EML5: variants seen among roughly 807,000 people sequenced by gnomAD.
The protein encoded by EML5 is EMAP like 5.
EML5 carries 120 observed loss-of-function variants against 250.0 expected under a neutral mutation model. The ratio of observed to expected loss-of-function variants is 0.48; its 90% CI spans 0.41 to 0.56. EML5 has a LOEUF of 0.56. EML5 is among the 20% of genes least tolerant of loss of function. The probability of loss-of-function intolerance (pLI) is 0.00; values close to 1 mark genes in which losing one functional copy is unlikely to be tolerated. For missense variants in EML5, 2,006 were observed against 2,437.6 expected (o/e 0.82, Z 3.73); for synonymous variants, 771 against 806.5 (o/e 0.96, Z 0.75).
chr14:88,706,963 T>C (rs1402509515), intron 10 of EML5, among the ~76,000 whole-genome samples: 1 of 152,220 alleles, frequency 6.6e-6, no homozygotes, highest in Non-Finnish European at 1.5e-5. Flanking sequence ...CAAAGTCAAA[T>C]ATGCCCAGTT....
chr14:88,625,214 TG>T, intron 35 of EML5, 87 bp from the exon 36 acceptor site: 1 of 1,442,612 alleles, frequency 6.9e-7, no homozygotes, highest in Non-Finnish European at 9.4e-7. Context: ...TGTGTAATGC[TG>T]TCTCACCCTT....
At chr14:88,744,922 T>C (rs553109743) in intron 3 of EML5, among the ~76,000 whole-genome samples, 3 of 152,190 alleles carry the variant, frequency 2.0e-5, no homozygotes, top group Non-Finnish European at 4.4e-5. Flanking sequence ...GAATACATAT[T>C]ACAGTTAATA....
At chr14:88,636,433 CG>C (rs1210317717) in intron 32 of EML5, among the ~76,000 whole-genome samples, 3 of 152,222 alleles carry the variant, frequency 2.0e-5, no homozygotes, top group East Asian at 3.9e-4. Flanking sequence ...GAAGCCAAGG[CG>C]GGCAGATAAC....
chr14:88,721,271 G>C (rs995362465), intron 8 of EML5, among the ~76,000 whole-genome samples: 2 of 151,908 alleles, frequency 1.3e-5, no homozygotes, highest in Non-Finnish European at 2.9e-5. Flanking sequence ...AACTACTTAA[G>C]ACATCATATG....
intron 7 of EML5, among the ~76,000 whole-genome samples, chr14:88,734,007 G>A (rs1406365315): frequency 8.0e-5 from 12 of 150,402 alleles, no homozygotes; most frequent in Non-Finnish European, 1.5e-4. Context: ...CAACCTACAC[G>A]AAGTAAAAAA....
chr14:88,783,391 G>C (rs1442173893), intron 1 of EML5, among the ~76,000 whole-genome samples: 5 of 152,154 alleles, frequency 3.3e-5, no homozygotes, highest in Non-Finnish European at 7.4e-5. Context: ...AAGATCCAAT[G>C]GAACAGATCA....
chr14:88,674,214 A>G (rs1460297323), intron 21 of EML5, among the ~76,000 whole-genome samples: 7 of 152,308 alleles, frequency 4.6e-5, no homozygotes, highest in Admixed American at 1.3e-4. Flanking sequence ...GGTTGCAGTG[A>G]GCTCAGATTG....
In EML5 at chr14:88,712,425, T is replaced by A; in HGVS notation, c.1503A>T (p.Thr501=). 3.7e-6 allele frequency: 6 copies of A among 1,613,664 alleles called. No homozygotes were observed. The highest frequency in any genetic ancestry group is 5.1e-6 in the Non-Finnish European group (6 of 1,179,716). ...CATTTACTTCAAGGCCTGAAACACA[T>A]GTCCATGAAGCCCAATGAACACCTT... is the stretch of plus-strand genomic sequence containing the variant. ...EIKGVHWASW[T]CVSGLEVNGI... Residue 501 remains threonine, a synonymous_variant, in exon 10 of 44, where the codon ACA becomes ACT. Coordinates refer to ENST00000554922, the MANE Select transcript of EML5 (RefSeq NM_183387.3).
chr14:88,665,434 G>A lies in EML5; in HGVS notation c.3180C>T (p.Asn1060=), dbSNP rs201280266. Residue 1060 remains asparagine, a synonymous_variant, in exon 22 of 44, where the codon AAC becomes AAT. Coordinates refer to ENST00000554922, the MANE Select transcript of EML5 (RefSeq NM_183387.3). Reference sequence around the variant, plus strand: ...CATTTGCCATTAAGAAGCTTCCATCGTTGAGACCTACGGCTAAAGCTTTAC... The same window carrying A: ...CATTTGCCATTAAGAAGCTTCCATCATTGAGACCTACGGCTAAAGCTTTAC... The part of the protein sequence containing the change: ...PDGKALAVGL[N]DGSFLMANAD... 4.4e-4 allele frequency: 716 copies of A among 1,613,960 alleles called. 1 individual carries two copies. The highest frequency in any genetic ancestry group is 1.1e-3 in the South Asian group (98 of 91,084).
At chr14:88,764,147 T>C (rs1328141252) in intron 1 of EML5, among the ~76,000 whole-genome samples, 1 of 152,208 alleles carries the variant, frequency 6.6e-6, no homozygotes, top group Non-Finnish European at 1.5e-5. Flanking sequence ...TATTTGCTTA[T>C]TAGCTTATTT....
intron 17 of EML5, among the ~76,000 whole-genome samples, chr14:88,689,365 T>C (rs917890709): frequency 1.3e-5 from 2 of 152,236 alleles, no homozygotes; most frequent in African/African-American, 4.8e-5. Context: ...AAGAATTCCT[T>C]GTTTCTCACC....
At chr14:88,726,756 CATCTT>C (rs905478282) in intron 7 of EML5, 78 bp from the exon 8 acceptor site, 2 of 1,034,306 alleles carry the variant, frequency 1.9e-6, no homozygotes, top group African/African-American at 3.2e-5. Context: ...AAAATAATCT[CATCTT>C]AATTAAGATA....
intron 9 of EML5, among the ~76,000 whole-genome samples, chr14:88,712,778 G>T (rs1036989518): frequency 3.9e-5 from 6 of 152,082 alleles, no homozygotes; most frequent in East Asian, 3.9e-4. Context: ...TTTAAAAAAT[G>T]ATACAGATTA....
chr14:88,788,785 C>T (rs1054635254), intron 1 of EML5, among the ~76,000 whole-genome samples: 4 of 151,870 alleles, frequency 2.6e-5, no homozygotes, highest in African/African-American at 7.3e-5. Context: ...TGGCTGCACA[C>T]GGTGGCTCAC....
At chr14:88,675,339 A>G (rs1595476069) in intron 21 of EML5, among the ~76,000 whole-genome samples, 1 of 152,184 alleles carries the variant, frequency 6.6e-6, no homozygotes, top group African/African-American at 2.4e-5. Context: ...GGAGGTTCCC[A>G]AACCTCAATT....
At chr14:88,686,051 C>G (rs10137515) in intron 19 of EML5, among the ~76,000 whole-genome samples, 1 of 151,948 alleles carries the variant, frequency 6.6e-6, no homozygotes, top group Non-Finnish European at 1.5e-5. Context: ...GGAAAACAGA[C>G]CCTGTGTTAG....
intron 27 of EML5, among the ~76,000 whole-genome samples, chr14:88,655,266 G>A (rs939466356): frequency 1.3e-5 from 2 of 152,092 alleles, no homozygotes; most frequent in Admixed American, 1.3e-4. Flanking sequence ...CATGGTACTG[G>A]TACCAAAACA....
In EML5 at chr14:88,620,966, A is replaced by G. The variant is rs1445928698; in HGVS notation, c.5203-40T>C. 1.4e-6 allele frequency: 2 copies of G among 1,478,172 alleles called. No homozygotes were observed. Among genetic ancestry groups the G allele is most frequent in the Non-Finnish European group, 1.8e-6 (2 of 1,118,814 alleles). The allele number at this position is 1,478,172 out of a possible 1,614,324, so 91.6% of individuals were successfully genotyped here. ...AAAAAAAAAAAGAGTCATAGGAAAC[A>G]TTAAGTGAAGTACTTCTAAATTATA... On this transcript the variant is annotated intron_variant, in intron 38 of 43. Transcript: ENST00000554922. The surrounding 1 kb of genome is among the most constrained non-coding windows in gnomAD (Gnocchi z 4.3).
chr14:88,770,704 ACAGTT>A (rs927027213), intron 1 of EML5, among the ~76,000 whole-genome samples: 1 of 152,200 alleles, frequency 6.6e-6, no homozygotes, highest in Non-Finnish European at 1.5e-5. Flanking sequence ...TTAATATCTT[ACAGTT>A]AAGTTTCATC....
Sources: allele counts gnomAD v4.1 joint callset (sites outside exome capture counted in the v4.1 genomes callset), GRCh38; gene constraint gnomAD v4.1.1; non-coding constraint Gnocchi (gnomAD v3.1); transcripts MANE v1.5; gene names NCBI Gene and HGNC (gene_info 2026-07-23, HGNC 2026-07-21).